Variants in ITGA1 observed in about 807,000 individuals in gnomAD.
ITGA1 encodes the protein integrin subunit alpha 1.
Under a neutral mutation model 145.9 loss-of-function variants are expected in ITGA1, and 85 were observed. The observed-to-expected ratio is 0.58, with a 90% CI of 0.49 to 0.70. The LOEUF is 0.70. Among genes scored for constraint, ITGA1 ranks in the 30% least tolerant of loss-of-function variants. ITGA1 has a pLI of 0.00. For synonymous variants in ITGA1, 520 were observed against 495.3 expected (o/e 1.05, Z -0.66); for missense variants, 1,351 against 1,418.7 (o/e 0.95, Z 0.77).
rs148872770 is a variant in ITGA1, at chr5:52,817,653, A to G, written c.61+29239A>G. 6.7e-3 allele frequency among the ~76,000 whole-genome samples: 1,020 copies of G among 152,340 alleles called. 12 individuals carry two copies. Among genetic ancestry groups the G allele is most frequent in the African/African-American group, 0.023 (969 of 41,578 alleles). On this transcript the variant is annotated intron_variant, in intron 1 of 28. Coordinates refer to ENST00000282588, the MANE Select transcript of ITGA1 (RefSeq NM_181501.2). The stretch of plus-strand genomic sequence containing the variant: ...TACTTTAGTGCACCAAAGATTAAAA[A>G]TAATGCAGTCAGAATAACATTTATT...
At chr5:52,843,941 T>G (rs1215852965) in intron 1 of ITGA1, among the ~76,000 whole-genome samples, 1 of 152,118 alleles carries the variant, frequency 6.6e-6, no homozygotes, top group African/African-American at 2.4e-5. Flanking sequence ...ATATCATTAC[T>G]GTTATTATTA....
chr5:52,905,745 G>C lies in ITGA1; in HGVS notation c.1310-18G>C. On this transcript the variant is annotated intron_variant, in intron 11 of 28. Coordinates refer to ENST00000282588, the MANE Select transcript of ITGA1 (RefSeq NM_181501.2). ...TTTAAGGGTCCAGGTGGTATACCTG[G>C]AATCTTTCTTTTGTTAGGTTACACT... 1.9e-6 allele frequency: 3 copies of C among 1,607,448 alleles called. No homozygotes were observed. Among genetic ancestry groups the C allele is most frequent in the Non-Finnish European group, 2.5e-6 (3 of 1,176,532 alleles).
rs201009495 is a variant in ITGA1, at chr5:52,849,429, G to A, written c.126G>A (p.Pro42=). The A allele has an allele frequency of 2.8e-5, 45 of 1,611,560 alleles. No homozygotes were observed. In the East Asian group the frequency reaches 4.7e-4, roughly 17 times the overall value. ...AAAATTCAATGACTTTCAGCGGCCC[G>A]GTGGAAGACATGTTTGGATATACTG... ...DVKNSMTFSG[P]VEDMFGYTVQ... Residue 42 remains proline (P), a synonymous_variant, in exon 2 of 29, where the codon CCG becomes CCA. Transcript: ENST00000282588.
At chr5:52,865,410 A>G (rs1409723164) in intron 5 of ITGA1, among the ~76,000 whole-genome samples, 1 of 152,262 alleles carries the variant, frequency 6.6e-6, no homozygotes. Flanking sequence ...AAACTTATAT[A>G]AAATTCATAT....
chr5:52,957,200 A>T lies in ITGA1; in HGVS notation c.*4749A>T, dbSNP rs910453677. On this transcript the variant is annotated 3_prime_UTR_variant, in exon 29 of 29. Transcript: ENST00000282588. ...TAGCATCTGGAGTCTCTTAAGCCCC[A>T]GCCCTGTTGTCCCCTACAGCATCTC... 8 of 152,190 alleles carry T rather than the reference A, an allele frequency of 5.3e-5. No homozygotes were observed. The highest frequency in any genetic ancestry group is 1.9e-4 in the African/African-American group (8 of 41,432). 9.4% of individuals were successfully genotyped at this position (152,190 alleles called of 1,614,324 possible).
At chr5:52,895,161 C>T (rs1001648916) in intron 9 of ITGA1, among the ~76,000 whole-genome samples, 3 of 152,084 alleles carry the variant, frequency 2.0e-5, no homozygotes, top group African/African-American at 4.8e-5. Flanking sequence ...GGTCACAATC[C>T]GTACTTAGAA....
Position 52,788,146 on chromosome 5 carries a change from G to C in ITGA1, c.-208G>C, listed in dbSNP as rs1748158886. The C allele has an allele frequency of 2.2e-6, 1 of 451,012 alleles. No individual in the cohort carries two copies. The highest frequency in any genetic ancestry group is 3.9e-6 in the Non-Finnish European group (1 of 253,512). 27.9% of individuals were successfully genotyped at this position (451,012 alleles called of 1,614,324 possible). A position where few individuals can be genotyped will look rare whatever the true frequency, so the allele number is the denominator to read the frequency against. On this transcript the variant is annotated 5_prime_UTR_variant, in exon 1 of 29. Transcript: ENST00000282588. The stretch of plus-strand genomic sequence containing the variant: ...GGCGGGCGATGTGGCAATCCGTCTG[G>C]GATGTGAAAAGCGTGGAGCGCATTT...
intron 6 of ITGA1, among the ~76,000 whole-genome samples, chr5:52,873,185 T>C (rs930047436): frequency 2.6e-5 from 4 of 152,222 alleles, no homozygotes; most frequent in African/African-American, 9.6e-5. Context: ...ATTGATCCAC[T>C]GAGCTGGAAG....
chr5:52,908,522 T>C (rs562344777), intron 12 of ITGA1, among the ~76,000 whole-genome samples: 2 of 152,356 alleles, frequency 1.3e-5, no homozygotes, highest in South Asian at 4.1e-4. Flanking sequence ...TTTAAACATA[T>C]ATTCAGCCAT....
intron 3 of ITGA1, among the ~76,000 whole-genome samples, chr5:52,862,463 A>C (rs996440779): frequency 6.6e-6 from 1 of 152,128 alleles, no homozygotes; most frequent in Non-Finnish European, 1.5e-5. Flanking sequence ...GAAAGTCATC[A>C]AGGAGCATAC....
chr5:52,895,587 C>A (rs1750212263), intron 9 of ITGA1, among the ~76,000 whole-genome samples: 2 of 152,116 alleles, frequency 1.3e-5, no homozygotes, highest in African/African-American at 4.8e-5. Flanking sequence ...TCTAAATCTC[C>A]TTTTAAGTAA....
At chr5:52,937,222 A>C (rs1370782998) in intron 23 of ITGA1, among the ~76,000 whole-genome samples, 179 bp from the exon 24 acceptor site, 3 of 152,130 alleles carry the variant, frequency 2.0e-5, no homozygotes, top group African/African-American at 7.2e-5. Context: ...AAGTGTCCAT[A>C]TTTTCTGCTG....
chr5:52,927,027 T>G (rs1750822689), intron 19 of ITGA1, among the ~76,000 whole-genome samples: 1 of 152,310 alleles, frequency 6.6e-6, no homozygotes, highest in East Asian at 1.9e-4. Flanking sequence ...TATGGGTATG[T>G]AAAAATAATG....
intron 1 of ITGA1, among the ~76,000 whole-genome samples, chr5:52,797,785 C>T (rs1233983232): frequency 6.6e-6 from 1 of 152,142 alleles, no homozygotes; most frequent in Non-Finnish European, 1.5e-5. Context: ...TGATTTTCTT[C>T]TATAAAATTA....
At chr5:52,932,391 G>A (rs901890068) in intron 22 of ITGA1, 15 of 299,710 alleles carry the variant, frequency 5.0e-5, no homozygotes, top group Admixed American at 3.1e-4. Context: ...TAGTGATACC[G>A]GATTGCATTT....
intron 1 of ITGA1, among the ~76,000 whole-genome samples, chr5:52,819,622 C>A (rs1278332372): frequency 6.6e-6 from 1 of 152,158 alleles, no homozygotes; most frequent in African/African-American, 2.4e-5. Flanking sequence ...ATGGTAGTTT[C>A]TTTTGCTGTG....
At chr5:52,788,842 A>T (rs1283356421) in intron 1 of ITGA1, among the ~76,000 whole-genome samples, 1 of 150,770 alleles carries the variant, frequency 6.6e-6, no homozygotes, top group Non-Finnish European at 1.5e-5. Flanking sequence ...TCCAGAGTGG[A>T]CATTATTGAA....
intron 14 of ITGA1, among the ~76,000 whole-genome samples, chr5:52,912,228 G>C (rs1750567293): frequency 1.4e-5 from 2 of 141,002 alleles, no homozygotes; most frequent in Admixed American, 1.4e-4. Context: ...TATATATACT[G>C]TATCTAGTGT....
intron 6 of ITGA1, among the ~76,000 whole-genome samples, chr5:52,873,079 T>C (rs1182746960): frequency 1.3e-5 from 2 of 152,212 alleles, no homozygotes; most frequent in Admixed American, 6.5e-5. Context: ...GAGCCATTTA[T>C]GTTGAAAAAA....
Sources: gnomAD v4.1 joint callset for allele counts (sites outside exome capture counted in the v4.1 genomes callset) on GRCh38, gnomAD v4.1.1 for gene constraint, MANE v1.5 for transcripts, NCBI Gene and HGNC (gene_info 2026-07-23, HGNC 2026-07-21) for gene names.